MUSK: variants seen among roughly 807,000 people sequenced by gnomAD.
MUSK encodes muscle, skeletal receptor tyrosine-protein kinase.
MUSK carries 55 observed loss-of-function variants against 88.7 expected under a neutral mutation model. The ratio of observed to expected loss-of-function variants is 0.62; its 90% confidence interval spans 0.50 to 0.78. The LOEUF (loss-of-function observed/expected upper bound fraction) is 0.78. MUSK is among the 30% of genes least tolerant of loss of function. The pLI is 0.00. For missense variants in MUSK, 1,015 were observed against 1,074.3 expected (o/e 0.94, Z 0.77); for synonymous variants, 387 against 391.9 (o/e 0.99, Z 0.15).
intron 8 of MUSK, among the ~76,000 whole-genome samples, chr9:110,763,855 A>G (rs974832115): frequency 2.0e-5 from 3 of 152,196 alleles, no homozygotes; most frequent in African/African-American, 7.2e-5. Context: ...CTTGAAGATA[A>G]CATTTTAAAA....
chr9:110,766,659 G>A (rs574173920), intron 8 of MUSK, among the ~76,000 whole-genome samples: 2 of 152,192 alleles, frequency 1.3e-5, no homozygotes, highest in Non-Finnish European at 2.9e-5. Context: ...TTCAATTGGG[G>A]TCACGTAACA....
At chr9:110,699,290 A>G (rs989357072) in intron 5 of MUSK, among the ~76,000 whole-genome samples, 1 of 152,186 alleles carries the variant, frequency 6.6e-6, no homozygotes, top group Non-Finnish European at 1.5e-5. Flanking sequence ...GAGAGCTCAT[A>G]ATATCATTTA....
intron 9 of MUSK, among the ~76,000 whole-genome samples, chr9:110,774,844 A>C (rs758045793): frequency 6.8e-6 from 1 of 146,478 alleles, no homozygotes; most frequent in Non-Finnish European, 1.5e-5. Flanking sequence ...GTATGAAAAA[A>C]GACACCATTG....
rs112784947 is a variant in MUSK at position 110,688,137 on chromosome 9, C to T, written c.358+869C>T. On this transcript the variant is annotated intron_variant, in intron 3 of 14. Transcript: ENST00000374448. ...TCTTTCCTCTGATGAGGGCTTATGC[C>T]ATTCTGACCTATCTTTTCTCTAACT... 7.9e-3 allele frequency among the ~76,000 whole-genome samples: 1,200 copies of T among 152,056 alleles called. 21 individuals are homozygous for T. Among genetic ancestry groups the T allele is most frequent in the African/African-American group, 0.028 (1,145 of 41,470 alleles).
At chr9:110,702,350 T>A (rs1193615930) in intron 5 of MUSK, among the ~76,000 whole-genome samples, 1 of 152,002 alleles carries the variant, frequency 6.6e-6, no homozygotes, top group East Asian at 1.9e-4. Context: ...GGAGACAGGG[T>A]CTTGGCCCAT....
chr9:110,717,843 T>C lies in MUSK; in HGVS notation c.629-16408T>C, dbSNP rs147416345. Among the ~76,000 whole-genome samples the C allele has an allele frequency of 7.7e-4, 117 of 152,268 alleles. 3 individuals carry two copies. Among genetic ancestry groups the C allele is most frequent in the African/African-American group, 2.7e-3 (113 of 41,572 alleles). On this transcript the variant is annotated intron_variant, in intron 5 of 14. Coordinates refer to ENST00000374448, the MANE Select transcript of MUSK (RefSeq NM_005592.4). ...TAGGTAACAGAGTTCTTCTATCTGG[T>C]CTTTTTACCTTTGATTACCAGTACT...
chr9:110,689,016 T>A (rs534758621), intron 3 of MUSK, among the ~76,000 whole-genome samples: 20 of 142,802 alleles, frequency 1.4e-4, no homozygotes, highest in African/African-American at 4.9e-4. Context: ...AAAAACATAT[T>A]TAAATATAAA....
chr9:110,685,982 T>C (rs2131666289), intron 2 of MUSK, among the ~76,000 whole-genome samples: 1 of 152,282 alleles, frequency 6.6e-6, no homozygotes, highest in East Asian at 1.9e-4. Flanking sequence ...TTATTATCCT[T>C]GCTGTAACAA....
chr9:110,670,742 A>C (rs2075946727), intron 1 of MUSK, among the ~76,000 whole-genome samples: 1 of 152,162 alleles, frequency 6.6e-6, no homozygotes, highest in Non-Finnish European at 1.5e-5. Flanking sequence ...TAAAATCAAA[A>C]AATTTAAGCA....
At chr9:110,720,888 C>A (rs958036698) in intron 5 of MUSK, among the ~76,000 whole-genome samples, 4 of 152,066 alleles carry the variant, frequency 2.6e-5, no homozygotes, top group African/African-American at 9.7e-5. Flanking sequence ...AAAATATAAT[C>A]TACCATGATC....
At chr9:110,707,035 TAAAG>T (rs1172371068) in intron 5 of MUSK, among the ~76,000 whole-genome samples, 2 of 123,114 alleles carry the variant, frequency 1.6e-5, no homozygotes, top group South Asian at 2.4e-4. Flanking sequence ...GAGAAACAAA[TAAAG>T]AGAGAGAGAG....
At chr9:110,709,568 G>A (rs1182561953) in intron 5 of MUSK, among the ~76,000 whole-genome samples, 1 of 152,156 alleles carries the variant, frequency 6.6e-6, no homozygotes, top group East Asian at 1.9e-4. Flanking sequence ...CTGACACAGA[G>A]TAAACACTCA....
chr9:110,722,523 C>T (rs1429085684), intron 5 of MUSK, among the ~76,000 whole-genome samples: 2 of 151,432 alleles, frequency 1.3e-5, no homozygotes, highest in Admixed American at 6.6e-5. Flanking sequence ...GAGCGAGACA[C>T]CATCATGGGA....
At chr9:110,740,705 C>T (rs889597886) in intron 6 of MUSK, among the ~76,000 whole-genome samples, 16 of 152,100 alleles carry the variant, frequency 1.1e-4, no homozygotes, top group African/African-American at 3.1e-4. Flanking sequence ...CCTGAGGCAT[C>T]TCCATGTAAT....
chr9:110,789,806 G>A (rs1011939187), intron 14 of MUSK, among the ~76,000 whole-genome samples: 2 of 152,064 alleles, frequency 1.3e-5, no homozygotes, highest in Non-Finnish European at 2.9e-5. Context: ...GTTTTTTGGC[G>A]ATGCTTATTC....
intron 3 of MUSK, among the ~76,000 whole-genome samples, chr9:110,691,216 G>A (rs1246524377): frequency 6.6e-6 from 1 of 152,018 alleles, no homozygotes; most frequent in African/African-American, 2.4e-5. Flanking sequence ...GTCACCCACT[G>A]GAAGTAGTCT....
At chr9:110,738,766 T>C (rs1267365991) in intron 6 of MUSK, among the ~76,000 whole-genome samples, 1 of 152,160 alleles carries the variant, frequency 6.6e-6, no homozygotes, top group Non-Finnish European at 1.5e-5. Context: ...GCTTTATACC[T>C]TCTGTGCCTG....
intron 5 of MUSK, among the ~76,000 whole-genome samples, chr9:110,698,156 C>A (rs1007018730): frequency 6.6e-6 from 1 of 152,158 alleles, no homozygotes; most frequent in African/African-American, 2.4e-5. Context: ...TATCAGCACA[C>A]CTCTATTAGG....
chr9:110,803,331 C>T lies in MUSK; in HGVS notation c.*2343C>T, dbSNP rs1479786685. 1.3e-5 allele frequency among the ~76,000 whole-genome samples: 2 copies of T among 152,160 alleles called. No homozygotes were observed. Among genetic ancestry groups the T allele is most frequent in the Non-Finnish European group, 2.9e-5 (2 of 68,030 alleles). On this transcript the variant is annotated 3_prime_UTR_variant, in exon 15 of 15. Transcript: ENST00000374448. The stretch of plus-strand genomic sequence containing the variant: ...GCTTTGTTTTGTTTTGTTTTTGAGA[C>T]GGAGTCTCGCTCTGTCGCCCAGGCT...
Sources: allele counts gnomAD v4.1 joint callset (sites outside exome capture counted in the v4.1 genomes callset), GRCh38; gene constraint gnomAD v4.1.1; transcripts MANE v1.5; gene names NCBI Gene and HGNC (gene_info 2026-07-23, HGNC 2026-07-21).